UCK2: variants seen among roughly 807,000 people sequenced by gnomAD.
UCK2 encodes the protein cytidine monophosphokinase 2.
Under a neutral mutation model 30.8 loss-of-function variants are expected in UCK2, and 6 were observed. The observed-to-expected ratio is 0.19, with a 90% CI of 0.11 to 0.38. UCK2 has a LOEUF of 0.38. Among genes scored for constraint, UCK2 ranks in the 10% least tolerant of loss-of-function variants. The pLI, the probability that UCK2 is intolerant of heterozygous loss-of-function variation, is 1.00. For synonymous variants in UCK2, 125 were observed against 133.6 expected, an observed-to-expected ratio of 0.94 and a Z score of 0.45; for missense variants, 210 against 339.8, an observed-to-expected ratio of 0.62 and a Z score of 3.00.
intron 1 of UCK2, among the ~76,000 whole-genome samples, chr1:165,874,826 C>T (rs992172896): frequency 1.3e-5 from 2 of 152,100 alleles, no homozygotes; most frequent in African/African-American, 4.8e-5. Flanking sequence ...GTCCTTTGCC[C>T]TGGTGTTTTC....
chr1:165,857,406 A>G (rs1571275271), intron 1 of UCK2, among the ~76,000 whole-genome samples: 1 of 152,340 alleles, frequency 6.6e-6, no homozygotes, highest in East Asian at 1.9e-4. Context: ...CAGATAACTG[A>G]CATAACCCAT....
At chr1:165,896,628 G>T (rs1251806743) in intron 4 of UCK2, among the ~76,000 whole-genome samples, 1 of 152,250 alleles carries the variant, frequency 6.6e-6, no homozygotes, top group Non-Finnish European at 1.5e-5. Flanking sequence ...GGAAAAGTTT[G>T]ATTAAATGCT....
intron 1 of UCK2, among the ~76,000 whole-genome samples, chr1:165,852,210 A>G (rs1557835823): frequency 6.6e-6 from 1 of 152,218 alleles, no homozygotes; most frequent in Non-Finnish European, 1.5e-5. Context: ...AAATTGATAA[A>G]TTGATAAAGT....
chr1:165,834,338 C>T (rs1654129302), intron 1 of UCK2, among the ~76,000 whole-genome samples: 2 of 152,144 alleles, frequency 1.3e-5, no homozygotes, highest in Admixed American at 1.3e-4. Context: ...AAATTTTCAT[C>T]CTGTAGTCCC....
chr1:165,837,700 T>C (rs964466735), intron 1 of UCK2, among the ~76,000 whole-genome samples: 3 of 152,204 alleles, frequency 2.0e-5, no homozygotes, highest in African/African-American at 7.2e-5. Flanking sequence ...ACCTCACTAT[T>C]GCCTGAAGCT....
chr1:165,841,125 A>G (rs967893428), intron 1 of UCK2, among the ~76,000 whole-genome samples: 16 of 150,910 alleles, frequency 1.1e-4, no homozygotes, highest in Middle Eastern at 3.5e-3. Context: ...ATATATATAT[A>G]TATATATAAA....
intron 4 of UCK2, 135 bp downstream of exon 4, chr1:165,896,467 C>T (rs1028422943): frequency 1.0e-6 from 1 of 991,354 alleles, no homozygotes; most frequent in Non-Finnish European, 1.5e-6. Flanking sequence ...GTCGCATGGT[C>T]CAGCCCGGCT....
intron 1 of UCK2, among the ~76,000 whole-genome samples, chr1:165,851,826 A>G (rs566573315): frequency 6.6e-6 from 1 of 151,996 alleles, no homozygotes; most frequent in Non-Finnish European, 1.5e-5. Context: ...TGCACTTACG[A>G]GTGAGAATAT....
chr1:165,889,297 G>T (rs1655702810), intron 1 of UCK2, among the ~76,000 whole-genome samples: 1 of 152,240 alleles, frequency 6.6e-6, no homozygotes, highest in Admixed American at 6.5e-5. Context: ...TTGCTAACTA[G>T]CTGAGCTCTC....
At chr1:165,905,210 C>T (rs1647609597) in intron 5 of UCK2, among the ~76,000 whole-genome samples, 1 of 152,214 alleles carries the variant, frequency 6.6e-6, no homozygotes, top group Admixed American at 6.5e-5. Flanking sequence ...TGGTTGGGTG[C>T]AGTGGCTCAC....
intron 1 of UCK2, among the ~76,000 whole-genome samples, chr1:165,879,549 TTA>T (rs1655427278): frequency 6.7e-6 from 1 of 149,512 alleles, no homozygotes; most frequent in Non-Finnish European, 1.5e-5. Flanking sequence ...TTGCTTTTTA[TTA>T]TTATTATTAT....
At chr1:165,838,116 A>G (rs1455391176) in intron 1 of UCK2, among the ~76,000 whole-genome samples, 1 of 152,214 alleles carries the variant, frequency 6.6e-6, no homozygotes, top group African/African-American at 2.4e-5. Flanking sequence ...TTCACAACAT[A>G]TCTGCAGCCT....
At chr1:165,902,141 C>T (rs888630858) in intron 4 of UCK2, among the ~76,000 whole-genome samples, 1 of 152,036 alleles carries the variant, frequency 6.6e-6, no homozygotes, top group Admixed American at 6.6e-5. Context: ...GAGGCTGAGG[C>T]AGGAGAATCG....
intron 1 of UCK2, among the ~76,000 whole-genome samples, chr1:165,884,000 G>T (rs983379753): frequency 6.6e-6 from 1 of 152,172 alleles, no homozygotes; most frequent in Non-Finnish European, 1.5e-5. Context: ...CATGTGGGGA[G>T]CAACCCCTAC....
At position 165,911,507 on chromosome 1, in the gene UCK2, T is replaced by TTA. The variant is rs1647858074; in HGVS notation, c.*3684_*3685insTA. 1 of 152,216 alleles carries TTA rather than the reference T, an allele frequency of 6.6e-6. No individual in the cohort carries two copies. The highest frequency in any genetic ancestry group is 2.4e-5 in the African/African-American group (1 of 41,430). 9.4% of individuals were successfully genotyped at this position (152,216 alleles called of 1,614,324 possible). A position where few individuals can be genotyped will look rare whatever the true frequency, so the allele number is the denominator to read the frequency against. On this transcript the variant is annotated 3_prime_UTR_variant, in exon 7 of 7. Coordinates refer to ENST00000367879, the MANE Select transcript of UCK2 (RefSeq NM_012474.5). ...ACTTAGGCTTTTTTTTCCCCCCTTTTAAGATGCTTGCTCCTCTCCCTTTTC... is the reference window on the plus strand; with the variant it reads ...ACTTAGGCTTTTTTTTCCCCCCTTTTTAAAGATGCTTGCTCCTCTCCCTTTTC...
chr1:165,853,647 G>A (rs1203592736), intron 1 of UCK2, among the ~76,000 whole-genome samples: 1 of 151,872 alleles, frequency 6.6e-6, no homozygotes, highest in African/African-American at 2.4e-5. Context: ...TTCATAGAGT[G>A]TTCCTCTTTC....
At chr1:165,879,514 GAA>G (rs1288190832) in intron 1 of UCK2, among the ~76,000 whole-genome samples, 1 of 143,974 alleles carries the variant, frequency 6.9e-6, no homozygotes, top group East Asian at 1.9e-4. Context: ...ATTAATAAAA[GAA>G]AATCATTATA....
chr1:165,836,994 G>C (rs537705177), intron 1 of UCK2, among the ~76,000 whole-genome samples: 1 of 152,200 alleles, frequency 6.6e-6, no homozygotes, highest in African/African-American at 2.4e-5. Context: ...GCCTGTCCTC[G>C]TGCACAAAAG....
chr1:165,881,979 A>G (rs1655511098), intron 1 of UCK2, among the ~76,000 whole-genome samples: 1 of 152,242 alleles, frequency 6.6e-6, no homozygotes, highest in East Asian at 1.9e-4. Context: ...TTGCGGCACC[A>G]ACAGATGGAT....
Sources: gnomAD v4.1 joint callset for allele counts (sites outside exome capture counted in the v4.1 genomes callset) on GRCh38, gnomAD v4.1.1 for gene constraint, MANE v1.5 for transcripts, NCBI Gene and HGNC (gene_info 2026-07-23, HGNC 2026-07-21) for gene names.